RMP64: variants seen among roughly 807,000 people sequenced by gnomAD.
RMP64 encodes nucleolus and neural progenitor protein.
the RMP64 span, among the ~76,000 whole-genome samples, chr3:113,009,343 T>C: frequency 6.6e-6 from 1 of 152,168 alleles, no homozygotes; most frequent in Non-Finnish European, 1.5e-5. Context: ...GTAGAAAATA[T>C]AAAAGTAATG....
chr3:113,012,990 G>A, the RMP64 span: 2 of 616,148 alleles, frequency 3.2e-6, no homozygotes, highest in South Asian at 4.1e-5. Context: ...CACTCTGCTA[G>A]AGTTCCCATT....
the RMP64 span, chr3:113,014,485 A>C: frequency 6.5e-6 from 1 of 152,770 alleles, no homozygotes; most frequent in African/African-American, 2.4e-5. Context: ...CCTTCCAAGC[A>C]GCTGGGACTA....
the RMP64 span, chr3:113,004,042 C>A: frequency 3.3e-5 from 5 of 152,182 alleles, no homozygotes; most frequent in Admixed American, 3.3e-4. Flanking sequence ...TCATTGAACA[C>A]AAGGACACTT....
the RMP64 span, chr3:113,003,402 T>A: frequency 6.6e-6 from 1 of 152,240 alleles, no homozygotes; most frequent in South Asian, 2.1e-4. Flanking sequence ...TAATCTCATT[T>A]ACTAGGTAAG....
At chr3:113,005,529 C>T in the RMP64 span, 165 of 1,553,798 alleles carry the variant, frequency 1.1e-4, no homozygotes, top group African/African-American at 2.0e-3. Flanking sequence ...CACATATGAA[C>T]GAACATCTAA....
chr3:113,007,703 T>C, the RMP64 span, among the ~76,000 whole-genome samples: 1 of 152,216 alleles, frequency 6.6e-6, no homozygotes, highest in Non-Finnish European at 1.5e-5. Context: ...CAGTAGCAAG[T>C]AGCAACAGTA....
chr3:113,007,710 A>G, the RMP64 span, among the ~76,000 whole-genome samples: 5 of 152,244 alleles, frequency 3.3e-5, no homozygotes, highest in African/African-American at 9.6e-5. Flanking sequence ...AAGTAGCAAC[A>G]GTACAACACC....
At chr3:113,017,419 G>T in the RMP64 span, 1 of 1,601,842 alleles carries the variant, frequency 6.2e-7, no homozygotes, top group Non-Finnish European at 8.5e-7. Context: ...AAGTGAACAG[G>T]TTGGGTCTCA....
the RMP64 span, among the ~76,000 whole-genome samples, chr3:113,018,407 A>C: frequency 6.6e-6 from 1 of 152,210 alleles, no homozygotes; most frequent in Non-Finnish European, 1.5e-5. Flanking sequence ...ATAGAGAAAG[A>C]GGGAAGATTA....
At chr3:113,013,425 A>G in the RMP64 span, 1 of 1,545,560 alleles carries the variant, frequency 6.5e-7, no homozygotes, top group Non-Finnish European at 8.7e-7. Flanking sequence ...TAGAAAAAGT[A>G]CATTACTTTC....
the RMP64 span, chr3:113,003,571 T>TA: frequency 6.6e-6 from 1 of 152,098 alleles, no homozygotes; most frequent in Non-Finnish European, 1.5e-5. Context: ...CCCAGAATAG[T>TA]AAAGGGCAGA....
At chr3:113,018,035 C>T in the RMP64 span, among the ~76,000 whole-genome samples, 1 of 152,176 alleles carries the variant, frequency 6.6e-6, no homozygotes, top group Non-Finnish European at 1.5e-5. Flanking sequence ...TGAATAAATT[C>T]ACAGTCTTCA....
At chr3:113,018,858 T>C in the RMP64 span, among the ~76,000 whole-genome samples, 1 of 152,184 alleles carries the variant, frequency 6.6e-6, no homozygotes, top group Non-Finnish European at 1.5e-5. Flanking sequence ...AAAGGTTCAA[T>C]GACTCCTTCA....
the RMP64 span, among the ~76,000 whole-genome samples, chr3:113,016,130 G>A: frequency 6.6e-6 from 1 of 152,020 alleles, no homozygotes; most frequent in African/African-American, 2.4e-5. Context: ...CAAGAGAGAA[G>A]CCCGAACTAA....
the RMP64 span, among the ~76,000 whole-genome samples, chr3:113,018,371 A>G: frequency 6.6e-6 from 1 of 152,314 alleles, no homozygotes; most frequent in South Asian, 2.1e-4. Flanking sequence ...TCCCAGGCCT[A>G]ATAGGAGTTG....
chr3:113,010,638 C>T, the RMP64 span: 3 of 1,612,106 alleles, frequency 1.9e-6, no homozygotes, highest in Non-Finnish European at 1.7e-6. Flanking sequence ...TGAAGCCAGA[C>T]AAACCTGAGT....
chr3:113,013,457 TTTTTG>T, the RMP64 span: 5 of 1,291,072 alleles, frequency 3.9e-6, no homozygotes, highest in African/African-American at 7.1e-5. Context: ...AAGGGTTTTT[TTTTTG>T]TTTTTTTTTT....
chr3:113,004,666 T>C, the RMP64 span: 1 of 152,204 alleles, frequency 6.6e-6, no homozygotes, highest in Admixed American at 6.5e-5. Context: ...ATACTCAAGA[T>C]GTACTCCCCT....
At chr3:113,015,858 T>TA in the RMP64 span, among the ~76,000 whole-genome samples, 18 of 142,402 alleles carry the variant, frequency 1.3e-4, no homozygotes, top group African/African-American at 4.6e-4. Context: ...AGCCAAGAAT[T>TA]TAAAAAAAAA....
Sources: allele counts gnomAD v4.1 joint callset (sites outside exome capture counted in the v4.1 genomes callset), GRCh38; gene constraint gnomAD v4.1.1; transcripts MANE v1.5; gene names NCBI Gene and HGNC (gene_info 2026-07-23, HGNC 2026-07-21).